Variants in CFAP299 observed in about 807,000 individuals in gnomAD.
CFAP299 encodes the protein cilia- and flagella-associated protein 299.
A neutral mutation model predicts 27.0 loss-of-function variants in CFAP299; 21 were observed. The observed-to-expected ratio is 0.78, with a 90% CI of 0.55 to 1.12. CFAP299 has a LOEUF of 1.12. CFAP299 is among the 50% of genes most tolerant of loss of function. The pLI is 0.00. For missense variants in CFAP299, 310 were observed against 276.6 expected (o/e 1.12, Z -0.86); for synonymous variants, 104 against 98.1 (o/e 1.06, Z -0.36).
chr4:80,715,465 G>A (rs1289665333), intron 3 of CFAP299, among the ~76,000 whole-genome samples: 1 of 151,936 alleles, frequency 6.6e-6, no homozygotes, highest in Non-Finnish European at 1.5e-5. Context: ...TGTGATGGCA[G>A]ACATTTTTTT....
At chr4:80,940,415 C>A (rs2110227128) in intron 4 of CFAP299, among the ~76,000 whole-genome samples, 1 of 152,304 alleles carries the variant, frequency 6.6e-6, no homozygotes, top group South Asian at 2.1e-4. Context: ...CCTGCGGGAT[C>A]TCCCTTGGCC....
intron 1 of CFAP299, among the ~76,000 whole-genome samples, chr4:80,349,097 G>T (rs1238106530): frequency 6.6e-6 from 1 of 152,136 alleles, no homozygotes; most frequent in Non-Finnish European, 1.5e-5. Context: ...TCGTGACCCT[G>T]CCTGCCATAC....
chr4:80,439,830 T>C (rs766929117), intron 2 of CFAP299, among the ~76,000 whole-genome samples: 1 of 152,102 alleles, frequency 6.6e-6, no homozygotes, highest in African/African-American at 2.4e-5. Context: ...ATCACAGCAG[T>C]CTGAAGTCGA....
chr4:80,795,941 T>C (rs887656778), intron 3 of CFAP299, among the ~76,000 whole-genome samples: 5 of 152,146 alleles, frequency 3.3e-5, no homozygotes, highest in African/African-American at 1.2e-4. Context: ...TGGCTCCAAA[T>C]AGCATTCCTA....
At chr4:80,507,169 G>T (rs889312631) in intron 2 of CFAP299, among the ~76,000 whole-genome samples, 42 of 152,078 alleles carry the variant, frequency 2.8e-4, no homozygotes, top group African/African-American at 1.0e-3. Context: ...CTTATAGTAA[G>T]CATGTAAGAG....
chr4:80,627,377 C>T (rs1432603892), intron 3 of CFAP299, among the ~76,000 whole-genome samples: 1 of 151,830 alleles, frequency 6.6e-6, no homozygotes, highest in African/African-American at 2.4e-5. Flanking sequence ...TGATAAACCC[C>T]ATAGCTAACT....
chr4:80,798,561 C>T (rs1479992413), intron 3 of CFAP299, among the ~76,000 whole-genome samples: 1 of 152,052 alleles, frequency 6.6e-6, no homozygotes, highest in African/African-American at 2.4e-5. Flanking sequence ...GCAGGTCAGC[C>T]ACTTGCATGA....
At chr4:80,472,810 CG>C (rs1161341077) in intron 2 of CFAP299, among the ~76,000 whole-genome samples, 3 of 152,106 alleles carry the variant, frequency 2.0e-5, no homozygotes, top group African/African-American at 7.2e-5. Context: ...TTCCACGGGA[CG>C]GGGGTAATTC....
chr4:80,478,400 A>G (rs866100063), intron 2 of CFAP299, among the ~76,000 whole-genome samples: 16 of 152,286 alleles, frequency 1.1e-4, no homozygotes, highest in African/African-American at 3.6e-4. Flanking sequence ...AACAAAAGGC[A>G]TATAAATTGA....
intron 3 of CFAP299, among the ~76,000 whole-genome samples, chr4:80,614,799 ATGT>A (rs1738190048): frequency 2.0e-5 from 3 of 152,346 alleles, no homozygotes; most frequent in Admixed American, 6.5e-5. Flanking sequence ...ATGCTTACAC[ATGT>A]TGTTTAAATG....
chr4:80,837,727 A>G (rs1730643949), intron 3 of CFAP299, among the ~76,000 whole-genome samples: 1 of 152,164 alleles, frequency 6.6e-6, no homozygotes, highest in South Asian at 2.1e-4. Flanking sequence ...ACTATTGTGA[A>G]TAGTGCTGCA....
In CFAP299 at chr4:80,467,511, CAAAG is replaced by C. The variant is rs1351652010; in HGVS notation, c.242+104633_242+104636del. ...AACTCACCCGCCTCCTCAATCTTTT[CAAAG>C]AAAGAGTTCCTTAATTCCTTGCCTT... On this transcript the variant is annotated intron_variant, in intron 2 of 5. Coordinates refer to ENST00000358105, the MANE Select transcript of CFAP299 (RefSeq NM_152770.3). Among the ~76,000 whole-genome samples the C allele has an allele frequency of 2.0e-5, 3 of 152,294 alleles. No homozygotes were observed. In the East Asian group the frequency reaches 5.8e-4, roughly 29 times the overall value.
chr4:80,351,807 G>C (rs1001673705), intron 1 of CFAP299, among the ~76,000 whole-genome samples: 2 of 150,166 alleles, frequency 1.3e-5, no homozygotes, highest in African/African-American at 2.4e-5. Context: ...TATAGTTATA[G>C]TAATATATTA....
At chr4:80,748,582 T>C (rs1724749922) in intron 3 of CFAP299, among the ~76,000 whole-genome samples, 3 of 152,172 alleles carry the variant, frequency 2.0e-5, no homozygotes, top group Non-Finnish European at 4.4e-5. Context: ...TTTATTGAAT[T>C]GATATATTGT....
chr4:80,849,065 T>G (rs1019876389), intron 3 of CFAP299, among the ~76,000 whole-genome samples: 1 of 152,234 alleles, frequency 6.6e-6, no homozygotes, highest in Non-Finnish European at 1.5e-5. Context: ...TTCAAATTTT[T>G]AAAATTTTTT....
chr4:80,652,849 G>C (rs1253578005), intron 3 of CFAP299, among the ~76,000 whole-genome samples: 1 of 152,074 alleles, frequency 6.6e-6, no homozygotes, highest in African/African-American at 2.4e-5. Context: ...AAATAAACTT[G>C]AGTTCTCAAA....
chr4:80,809,323 G>A (rs1291305168), intron 3 of CFAP299, among the ~76,000 whole-genome samples: 7 of 152,122 alleles, frequency 4.6e-5, no homozygotes, highest in African/African-American at 7.2e-5. Flanking sequence ...GTGGGAACAG[G>A]AGAATTGCAT....
chr4:80,742,248 A>T lies in CFAP299; in HGVS notation c.334-127745A>T, dbSNP rs566762417. ...ATTTGATATTCCAGCAGGGAATATA[A>T]ACAGTATAGCCTTCTATTCTACCAT... On this transcript the variant is annotated intron_variant, in intron 3 of 5. Transcript: ENST00000358105. Among the ~76,000 whole-genome samples, 21 of 152,306 alleles carry T rather than the reference A, an allele frequency of 1.4e-4. No homozygotes were observed. In the East Asian group the frequency reaches 3.9e-3, roughly 28 times the overall value.
chr4:80,582,051 G>T (rs1019776477), intron 2 of CFAP299, among the ~76,000 whole-genome samples: 1 of 151,680 alleles, frequency 6.6e-6, no homozygotes, highest in African/African-American at 2.4e-5. Context: ...TTTACTCTCT[G>T]TTTTGCCATT....
Sources: gnomAD v4.1 joint callset for allele counts (sites outside exome capture counted in the v4.1 genomes callset) on GRCh38, gnomAD v4.1.1 for gene constraint, MANE v1.5 for transcripts, NCBI Gene and HGNC (gene_info 2026-07-23, HGNC 2026-07-21) for gene names.